The following CACNG5 variants were observed in gnomAD, a reference collection of about 807,000 sequenced individuals.
The protein encoded by CACNG5 is calcium voltage-gated channel auxiliary subunit gamma 5.
CACNG5 carries 18 observed loss-of-function variants against 24.8 expected under a neutral mutation model. That is an observed-to-expected ratio of 0.73 (90% CI 0.50 to 1.08). The LOEUF (loss-of-function observed/expected upper bound fraction) is 1.08. Among genes scored for constraint, CACNG5 ranks in the 50% least tolerant of loss-of-function variants. CACNG5 has a pLI of 0.00. For synonymous variants in CACNG5, 157 were observed against 149.1 expected, an observed-to-expected ratio of 1.05 and a Z score of -0.39; for missense variants, 349 against 367.9, an observed-to-expected ratio of 0.95 and a Z score of 0.42.
chr17:66,861,664 A>G (rs369676396), intron 1 of CACNG5, among the ~76,000 whole-genome samples: 5 of 152,138 alleles, frequency 3.3e-5, no homozygotes, highest in African/African-American at 9.7e-5. Flanking sequence ...AAGTCTGAAC[A>G]TTGTTTCTGT....
intron 1 of CACNG5, among the ~76,000 whole-genome samples, chr17:66,840,245 C>G: frequency 6.6e-6 from 1 of 152,206 alleles, no homozygotes; most frequent in East Asian, 1.9e-4. Context: ...GTGCTCTGGA[C>G]TTGTGTATCT....
chr17:66,841,826 G>T (rs543159819), intron 1 of CACNG5, among the ~76,000 whole-genome samples: 2 of 152,194 alleles, frequency 1.3e-5, no homozygotes, highest in Non-Finnish European at 2.9e-5. Context: ...CTGTGTCAAG[G>T]GTCAGGTGTG....
chr17:66,879,032 C>T lies in CACNG5; in HGVS notation c.257C>T (p.Thr86Ile). 1.2e-6 allele frequency: 2 copies of T among 1,614,054 alleles called. No homozygotes were observed. The highest frequency in any genetic ancestry group is 8.5e-7 in the Non-Finnish European group (1 of 1,179,964). ...EYVMPMNTQL[T>I]SESTVNVLKM... ...GTGATGCCCATGAACACCCAGCTGA[C>T]ATCCGAGTCCACGGTCAATGTTCTA... Residue 86 changes from threonine (T) to isoleucine (I), a missense_variant, in exon 3 of 6, where the codon ACA becomes ATA. Physicochemically the swap from Thr to Ile is moderately conservative, Grantham distance 89. Coordinates refer to ENST00000533854, the MANE Select transcript of CACNG5 (RefSeq NM_145811.3).
chr17:66,868,726 C>T (rs1413551309), intron 1 of CACNG5, among the ~76,000 whole-genome samples: 5 of 152,186 alleles, frequency 3.3e-5, no homozygotes, highest in Admixed American at 6.5e-5. Flanking sequence ...GTCCTTAGTA[C>T]GCACTTGACC....
rs1204183588 is a variant in CACNG5 at position 66,887,253 on chromosome 17, C to T, written c.*2013C>T. ...ATTCACCACGAATCCTTGGGCAACA[C>T]CCTTCCACTCTGAGGGGCTTGGCCT... is the stretch of plus-strand genomic sequence containing the variant. On this transcript the variant is annotated 3_prime_UTR_variant, in exon 6 of 6. Transcript: ENST00000533854. Among the ~76,000 whole-genome samples the T allele has an allele frequency of 3.9e-5, 6 of 152,184 alleles. No homozygotes were observed. The highest frequency in any genetic ancestry group is 1.4e-4 in the African/African-American group (6 of 41,442).
chr17:66,871,716 C>G (rs1257236692), intron 1 of CACNG5, among the ~76,000 whole-genome samples: 2 of 152,004 alleles, frequency 1.3e-5, no homozygotes, highest in Non-Finnish European at 2.9e-5. Flanking sequence ...AAAAATTAGC[C>G]GGGCGTGGTG....
At chr17:66,884,960 C>T (rs763178169) in intron 5 of CACNG5, 23 bp from the exon 6 acceptor site, 2 of 1,613,984 alleles carry the variant, frequency 1.2e-6, no homozygotes, top group Non-Finnish European at 8.5e-7. Flanking sequence ...GCGAGCCCAT[C>T]CTCTGCTGTC....
At chr17:66,876,638 C>A (rs1977080645) in intron 1 of CACNG5, among the ~76,000 whole-genome samples, 1 of 152,198 alleles carries the variant, frequency 6.6e-6, no homozygotes, top group African/African-American at 2.4e-5. Flanking sequence ...CCAAGTGCTG[C>A]AACTTATTAG....
At chr17:66,845,623 G>T (rs371600927) in intron 1 of CACNG5, among the ~76,000 whole-genome samples, 9 of 152,012 alleles carry the variant, frequency 5.9e-5, no homozygotes, top group African/African-American at 2.2e-4. Context: ...CAGCCAACTT[G>T]CCCCCTGCAC....
At chr17:66,862,903 TGTGTGTGTG>T in intron 1 of CACNG5, among the ~76,000 whole-genome samples, 1 of 98,956 alleles carries the variant, frequency 1.0e-5, no homozygotes, top group Non-Finnish European at 2.3e-5. Context: ...TGTGTGTGTG[TGTGTGTGTG>T]TGTGTGTGTG....
At position 66,885,319 on chromosome 17, in the gene CACNG5, G is replaced by A; in HGVS notation, c.*79G>A. 6.7e-7 allele frequency: 1 copy of A among 1,493,074 alleles called. No homozygotes were observed. Among genetic ancestry groups the A allele is most frequent in the South Asian group, 1.3e-5 (1 of 74,618 alleles). The allele number at this position is 1,493,074 out of a possible 1,614,324, so 92.5% of individuals were successfully genotyped here. On this transcript the variant is annotated 3_prime_UTR_variant, in exon 6 of 6. Coordinates refer to ENST00000533854, the MANE Select transcript of CACNG5 (RefSeq NM_145811.3). ...CTCTCCAGGTGACCCCTGAGCCCCA[G>A]GCCTGTGGTTGACAGGCCCAGGCCA...
chr17:66,841,059 G>C lies in CACNG5; in HGVS notation c.-104+5809G>C, dbSNP rs117022684. On this transcript the variant is annotated intron_variant, in intron 1 of 5. Coordinates refer to ENST00000533854, the MANE Select transcript of CACNG5 (RefSeq NM_145811.3). Reference sequence around the variant, plus strand: ...TTGCCAAGGATGAGGACGTGTGCCAGTGACAGCCTCAGGAGGTTCTGACGA... The same window carrying C: ...TTGCCAAGGATGAGGACGTGTGCCACTGACAGCCTCAGGAGGTTCTGACGA... 4.9e-3 allele frequency among the ~76,000 whole-genome samples: 751 copies of C among 152,320 alleles called. 4 individuals carry two copies. The highest frequency in any genetic ancestry group is 8.2e-3 in the Non-Finnish European group (560 of 68,018).
At chr17:66,883,431 G>A (rs1165787186) in intron 4 of CACNG5, among the ~76,000 whole-genome samples, 4 of 152,124 alleles carry the variant, frequency 2.6e-5, no homozygotes, top group Non-Finnish European at 4.4e-5. Context: ...TTTTCCTTTG[G>A]CATTCATCCT....
At chr17:66,855,175 CTGAA>C (rs1293684650) in intron 1 of CACNG5, among the ~76,000 whole-genome samples, 1 of 152,244 alleles carries the variant, frequency 6.6e-6, no homozygotes, top group Non-Finnish European at 1.5e-5. Flanking sequence ...AATATCTTTA[CTGAA>C]TGAGACTCAG....
At chr17:66,837,605 A>T (rs1409651809) in intron 1 of CACNG5, among the ~76,000 whole-genome samples, 1 of 152,228 alleles carries the variant, frequency 6.6e-6, no homozygotes, top group Non-Finnish European at 1.5e-5. Context: ...CCCCAAACCT[A>T]GCCATCTGAT....
rs770809783 is a variant in CACNG5, at chr17:66,888,543, C to CAAA, written c.*3324_*3326dup. On this transcript the variant is annotated 3_prime_UTR_variant, in exon 6 of 6. Transcript: ENST00000533854. ...TGGGTGACAGAGCGAGACTCCGTCT[C>CAAA]AAAAAAAAAAAAAAAAAAAAAAAGA... 8.2e-4 allele frequency among the ~76,000 whole-genome samples: 51 copies of CAAA among 62,458 alleles called. No individual in the cohort carries two copies. Among genetic ancestry groups the CAAA allele is most frequent in the Non-Finnish European group, 1.0e-3 (32 of 31,988 alleles). 41.0% of individuals were successfully genotyped at this position (62,458 alleles called of 152,430 possible).
chr17:66,858,563 A>T (rs1186510304), intron 1 of CACNG5, among the ~76,000 whole-genome samples: 2 of 152,128 alleles, frequency 1.3e-5, no homozygotes, highest in Non-Finnish European at 2.9e-5. Context: ...GAGGGGTGGC[A>T]TGAGCCAGGC....
At chr17:66,873,199 T>C (rs1430339124) in intron 1 of CACNG5, among the ~76,000 whole-genome samples, 2 of 152,186 alleles carry the variant, frequency 1.3e-5, no homozygotes, top group African/African-American at 4.8e-5. Context: ...GCCTGGGAGC[T>C]AAACCTACTC....
intron 1 of CACNG5, among the ~76,000 whole-genome samples, chr17:66,875,894 G>A (rs1456019340): frequency 6.6e-6 from 1 of 152,184 alleles, no homozygotes; most frequent in Non-Finnish European, 1.5e-5. Context: ...CTCTTCTAGA[G>A]ATGGCTCTGC....
Sources: gnomAD v4.1 joint callset for allele counts (sites outside exome capture counted in the v4.1 genomes callset) on GRCh38, gnomAD v4.1.1 for gene constraint, MANE v1.5 for transcripts, NCBI Gene and HGNC (gene_info 2026-07-23, HGNC 2026-07-21) for gene names.